Variants in SELENOI observed in about 807,000 individuals in gnomAD.
SELENOI encodes the protein selenoprotein I, also known as ethanolaminephosphotransferase 1.
A neutral mutation model predicts 50.7 loss-of-function variants in SELENOI; 24 were observed. That is an observed-to-expected ratio of 0.47 (90% CI 0.34 to 0.67). The LOEUF (loss-of-function observed/expected upper bound fraction) is 0.67. Among genes scored for constraint, SELENOI ranks in the 30% least tolerant of loss-of-function variants. The pLI is 0.01. For missense variants in SELENOI, 352 were observed against 461.4 expected, an observed-to-expected ratio of 0.76 and a Z score of 2.17; for synonymous variants, 155 against 170.2, an observed-to-expected ratio of 0.91 and a Z score of 0.70.
At chr2:26,386,637 A>T in intron 9 of SELENOI, 101 bp downstream of exon 9, 8 of 1,043,936 alleles carry the variant, frequency 7.7e-6, no homozygotes, top group Non-Finnish European at 7.8e-6. Flanking sequence ...TTAAAAAGAA[A>T]GTTGCTTATT....
rs59396679 is a variant in SELENOI, at chr2:26,364,078, CTTTTTTTTTTTT to C, written c.58-214_58-203del. Among the ~76,000 whole-genome samples the C allele has an allele frequency of 2.2e-3, 250 of 114,918 alleles. 2 individuals are homozygous for C. The highest frequency in any genetic ancestry group is 8.4e-3 in the African/African-American group (243 of 28,760). 75.4% of individuals were successfully genotyped at this position (114,918 alleles called of 152,430 possible). ...TTGTACTATTACTTTCTTTCTCCCC[CTTTTTTTTTTTT>C]TTTTTTTTTGGAGATGGGATCTCAC... is the stretch of plus-strand genomic sequence containing the variant. On this transcript the variant is annotated intron_variant, in intron 1 of 9. Transcript: ENST00000260585.
chr2:26,357,318 C>G (rs1677084691), intron 1 of SELENOI, among the ~76,000 whole-genome samples: 1 of 152,188 alleles, frequency 6.6e-6, no homozygotes, highest in Admixed American at 6.5e-5. Flanking sequence ...ATCTAGGACT[C>G]AGCTTAAATG....
chr2:26,372,130 GA>G (rs765425332), intron 4 of SELENOI, among the ~76,000 whole-genome samples: 10 of 151,810 alleles, frequency 6.6e-5, no homozygotes, highest in Non-Finnish European at 1.3e-4. Context: ...TTTAATTTTT[GA>G]GACAGAGTTT....
At chr2:26,351,228 T>A (rs1240687540) in intron 1 of SELENOI, among the ~76,000 whole-genome samples, 1 of 152,032 alleles carries the variant, frequency 6.6e-6, no homozygotes, top group Non-Finnish European at 1.5e-5. Flanking sequence ...CCGGCTAATT[T>A]TTGTATTTTT....
chr2:26,365,147 A>G (rs563323852), intron 3 of SELENOI, among the ~76,000 whole-genome samples: 1 of 152,370 alleles, frequency 6.6e-6, no homozygotes, highest in East Asian at 1.9e-4. Context: ...ATGAAGATGG[A>G]AAATTAAGAC....
In SELENOI at chr2:26,346,299, G is replaced by T; in HGVS notation, c.57+10G>T. ...CTTTGATAAGTACAAGGTACCGCGG[G>T]CCGGCGGATGCCCCTCTCCCTGCTC... is the stretch of plus-strand genomic sequence containing the variant. On this transcript the variant is annotated intron_variant, in intron 1 of 9. Coordinates refer to ENST00000260585, the MANE Select transcript of SELENOI (RefSeq NM_033505.4). 6.2e-7 allele frequency: 1 copy of T among 1,606,070 alleles called. No individual in the cohort carries two copies.
At chr2:26,382,049 T>C (rs997998590) in intron 6 of SELENOI, among the ~76,000 whole-genome samples, 2 of 152,212 alleles carry the variant, frequency 1.3e-5, no homozygotes, top group Admixed American at 6.5e-5. Context: ...TAGGAACTTA[T>C]ATCACTATAG....
intron 7 of SELENOI, 21 bp from the exon 8 acceptor site, chr2:26,384,938 T>C (rs749173619): frequency 6.4e-7 from 1 of 1,562,038 alleles, no homozygotes; most frequent in East Asian, 2.3e-5. Flanking sequence ...GTTCTTTATA[T>C]TACTTGATTT....
intron 5 of SELENOI, among the ~76,000 whole-genome samples, chr2:26,374,102 G>A (rs1379195188): frequency 1.3e-5 from 2 of 151,970 alleles, no homozygotes; most frequent in Admixed American, 6.6e-5. Flanking sequence ...TAAATACTTC[G>A]CTATATATCT....
intron 4 of SELENOI, among the ~76,000 whole-genome samples, chr2:26,371,115 C>A (rs1245095569): frequency 1.4e-5 from 2 of 148,030 alleles, no homozygotes; most frequent in Non-Finnish European, 3.0e-5. Flanking sequence ...CTGACCCCCC[C>A]ACCTCCCTCC....
Position 26,382,624 on chromosome 2 carries a change from A to C in SELENOI, c.683-675A>C, listed in dbSNP as rs1677730859. On this transcript the variant is annotated intron_variant, in intron 6 of 9. Transcript: ENST00000260585. ...AGAATCAATAGGAGGGTTTCTTGGG[A>C]AGGCCATCTTTGTTTTAAAGTTTAT... Among the ~76,000 whole-genome samples, 5 of 152,230 alleles carry C rather than the reference A, an allele frequency of 3.3e-5. No homozygotes were observed. In the South Asian group the frequency reaches 1.0e-3, roughly 32 times the overall value.
chr2:26,375,184 C>T, intron 6 of SELENOI, 36 bp downstream of exon 6: 1 of 1,361,610 alleles, frequency 7.3e-7, no homozygotes, highest in Non-Finnish European at 1.0e-6. Context: ...TTTTAACCAT[C>T]ACTTTGTTAT....
rs768730866 is a variant in SELENOI, at chr2:26,384,976, C to G, written c.749C>G (p.Thr250Ser). 4.4e-6 allele frequency: 7 copies of G among 1,603,744 alleles called. No homozygotes were observed. Among genetic ancestry groups the G allele is most frequent in the Non-Finnish European group, 5.9e-6 (7 of 1,176,852 alleles). ...TTTTCCAGAAGCTATAAAAATAACA[C>G]CTTGAAACTCAATTCAGTCTATGAA... Reference protein sequence around the residue: ...LNFFRSYKNNTLKLNSVYEAM... With the variant: ...LNFFRSYKNNSLKLNSVYEAM... The change falls in exon 8 of 10, where the codon ACC becomes AGC. Residue 250 changes from threonine (T) to serine (S), a missense_variant. Physicochemically the swap from Thr to Ser is moderately conservative, Grantham distance 58. Transcript: ENST00000260585.
intron 1 of SELENOI, among the ~76,000 whole-genome samples, chr2:26,355,640 C>T (rs1677047656): frequency 1.3e-5 from 2 of 151,728 alleles, no homozygotes; most frequent in Non-Finnish European, 1.5e-5. Flanking sequence ...CTCCTCTCTC[C>T]GACTTGTTAG....
rs1223089675 is a variant in SELENOI at position 26,389,033 on chromosome 2, T to G, written c.1124T>G (p.Ile375Ser). 1 of 1,590,008 alleles carries G rather than the reference T, an allele frequency of 6.3e-7. No homozygotes were observed. ...VVKQLSSHFQ[I>S]YPFSLRKPNS... is the part of the protein sequence containing the mutation. ...AAGCAGCTGAGCAGCCATTTTCAGA[T>G]TTACCCCTTCTCATTGAGGAAACCA... Residue 375 changes from isoleucine to serine, a missense_variant, in exon 10 of 10, where the codon ATT becomes AGT. Ile to Ser is a moderately radical substitution (Grantham distance 142, BLOSUM62 -2). Transcript: ENST00000260585.
chr2:26,362,450 G>C (rs1677197981), intron 1 of SELENOI, among the ~76,000 whole-genome samples: 1 of 152,086 alleles, frequency 6.6e-6, no homozygotes, highest in Admixed American at 6.6e-5. Flanking sequence ...TATACATACT[G>C]AACACACATA....
intron 8 of SELENOI, among the ~76,000 whole-genome samples, chr2:26,385,931 AATT>A (rs1426485162): frequency 6.6e-6 from 1 of 152,248 alleles, no homozygotes; most frequent in Non-Finnish European, 1.5e-5. Context: ...TTGAGATACT[AATT>A]ATGGCAATGG....
intron 6 of SELENOI, among the ~76,000 whole-genome samples, chr2:26,376,970 G>A (rs35470601): frequency 0.42 from 63,400 of 152,050 alleles, 14,396 homozygotes; most frequent in Non-Finnish European, 0.51. Flanking sequence ...AAGTTTGACT[G>A]TGATGTACCT....
chr2:26,374,672 G>A (rs1449767178), intron 5 of SELENOI, among the ~76,000 whole-genome samples: 4 of 151,334 alleles, frequency 2.6e-5, no homozygotes, highest in Middle Eastern at 3.4e-3. Flanking sequence ...GGGTTCAGGC[G>A]ATTCTTCCGC....
Sources: gnomAD v4.1 joint callset for allele counts (sites outside exome capture counted in the v4.1 genomes callset) on GRCh38, gnomAD v4.1.1 for gene constraint, MANE v1.5 for transcripts, NCBI Gene and HGNC (gene_info 2026-07-23, HGNC 2026-07-21) for gene names.